The following NCK1 variants were observed in gnomAD, a reference collection of about 807,000 sequenced individuals.
NCK1 encodes SH2/SH3 adapter protein NCK1.
In NCK1, 19 loss-of-function variants were observed where a neutral mutation model predicts 36.6. The ratio of observed to expected loss-of-function variants is 0.52; its 90% confidence interval spans 0.36 to 0.76. The LOEUF (loss-of-function observed/expected upper bound fraction) is 0.76, where lower values mean the gene tolerates loss of function less well. NCK1 is among the 30% of genes least tolerant of loss of function. The probability of loss-of-function intolerance (pLI) is 0.00; values close to 1 mark genes in which losing one functional copy is unlikely to be tolerated. For missense variants in NCK1, 358 were observed against 445.6 expected, an observed-to-expected ratio of 0.80 and a Z score of 1.77; for synonymous variants, 165 against 156.0, an observed-to-expected ratio of 1.06 and a Z score of -0.43.
chr3:136,949,909 G>A lies in NCK1; in HGVS notation c.*1456G>A, dbSNP rs1263954110. On this transcript the variant is annotated 3_prime_UTR_variant, in exon 4 of 4. Coordinates refer to ENST00000481752, the MANE Select transcript of NCK1 (RefSeq NM_001291999.2). Reference sequence around the variant, plus strand: ...ATTTAAAGACTTATGTTGCCACTGGGTGGCAGCCATGGCTTCTCCCACTAA... The same window carrying A: ...ATTTAAAGACTTATGTTGCCACTGGATGGCAGCCATGGCTTCTCCCACTAA... 1 of 151,946 alleles carries A rather than the reference G, an allele frequency of 6.6e-6. No homozygotes were observed. The highest frequency in any genetic ancestry group is 1.5e-5 in the Non-Finnish European group (1 of 67,900). The allele number at this position is 151,946 out of a possible 1,614,324, so 9.4% of individuals were successfully genotyped here.
At chr3:136,908,535 A>G (rs1350694338) in intron 1 of NCK1, among the ~76,000 whole-genome samples, 1 of 152,202 alleles carries the variant, frequency 6.6e-6, no homozygotes, top group Non-Finnish European at 1.5e-5. Flanking sequence ...ATCAGGGCTG[A>G]AAGAGTCACA....
At chr3:136,877,253 C>A (rs1466848353) in intron 1 of NCK1, among the ~76,000 whole-genome samples, 2 of 152,104 alleles carry the variant, frequency 1.3e-5, no homozygotes, top group Non-Finnish European at 2.9e-5. Context: ...TTGACACATG[C>A]TGGACAATAA....
rs1166616650 is a variant in NCK1, at chr3:136,948,588, TTTA to T, written c.*140_*142del. 16 of 743,180 alleles carry T rather than the reference TTTA, an allele frequency of 2.2e-5. No homozygotes were observed. Among genetic ancestry groups the T allele is most frequent in the Admixed American group, 5.8e-5 (2 of 34,312 alleles). 46.0% of individuals were successfully genotyped at this position (743,180 alleles called of 1,614,324 possible). On this transcript the variant is annotated 3_prime_UTR_variant, in exon 4 of 4. Coordinates refer to ENST00000481752, the MANE Select transcript of NCK1 (RefSeq NM_001291999.2). ...TATATGAGAATTGACAATAAGTATTTTTATTATAACTCAGCCCATACATATATA... is the reference window on the plus strand; with the variant it reads ...TATATGAGAATTGACAATAAGTATTTTTATAACTCAGCCCATACATATATA...
intron 1 of NCK1, among the ~76,000 whole-genome samples, chr3:136,890,902 A>C (rs1028326477): frequency 6.6e-6 from 1 of 152,144 alleles, no homozygotes; most frequent in African/African-American, 2.4e-5. Context: ...CCATCCCCCC[A>C]ACCTCTGGCA....
chr3:136,866,367 G>A (rs950886561), intron 1 of NCK1, among the ~76,000 whole-genome samples: 6 of 151,178 alleles, frequency 4.0e-5, no homozygotes, highest in African/African-American at 1.5e-4. Flanking sequence ...GAGTGCAATG[G>A]TGCGATCTCG....
chr3:136,876,860 T>G (rs1938790213), intron 1 of NCK1, among the ~76,000 whole-genome samples: 1 of 152,188 alleles, frequency 6.6e-6, no homozygotes, highest in Non-Finnish European at 1.5e-5. Context: ...GATCAATTTC[T>G]AAATGTAAAA....
At chr3:136,937,300 C>G (rs74282431) in intron 2 of NCK1, among the ~76,000 whole-genome samples, 5 of 152,250 alleles carry the variant, frequency 3.3e-5, no homozygotes, top group Admixed American at 6.5e-5. Flanking sequence ...TTAGGACTCT[C>G]GATTCTATTT....
At chr3:136,881,402 T>C (rs1938931955) in intron 1 of NCK1, among the ~76,000 whole-genome samples, 1 of 152,034 alleles carries the variant, frequency 6.6e-6, no homozygotes, top group Non-Finnish European at 1.5e-5. Context: ...GTATTTTTAG[T>C]GGAGACGGGA....
intron 2 of NCK1, among the ~76,000 whole-genome samples, chr3:136,936,207 A>G (rs1034642232): frequency 6.6e-6 from 1 of 151,854 alleles, no homozygotes; most frequent in Admixed American, 6.6e-5. Flanking sequence ...CGCCTGGCTA[A>G]TTTGTGTATT....
Position 136,949,593 on chromosome 3 carries a change from C to G in NCK1, c.*1140C>G, listed in dbSNP as rs918003398. Reference sequence around the variant, plus strand: ...GCTTCTGTAGGCTATAGAAGAAAACCAGTTGTATTTTATGGTCATAATTTG... The same window carrying G: ...GCTTCTGTAGGCTATAGAAGAAAACGAGTTGTATTTTATGGTCATAATTTG... On this transcript the variant is annotated 3_prime_UTR_variant, in exon 4 of 4. Coordinates refer to ENST00000481752, the MANE Select transcript of NCK1 (RefSeq NM_001291999.2). 6.6e-6 allele frequency: 1 copy of G among 151,806 alleles called. No individual in the cohort carries two copies. Among genetic ancestry groups the G allele is most frequent in the Admixed American group, 6.6e-5 (1 of 15,232 alleles). The allele number at this position is 151,806 out of a possible 1,614,324, so 9.4% of individuals were successfully genotyped here.
At position 136,946,190 on chromosome 3, in the gene NCK1, T is replaced by C. The variant is rs1236992269; in HGVS notation, c.834T>C (p.Ala278=). The change falls in exon 3 of 4, where the codon GCT becomes GCC. Residue 278 remains alanine (A), a synonymous_variant. Coordinates refer to ENST00000481752, the MANE Select transcript of NCK1 (RefSeq NM_001291999.2). Reference sequence around the variant, plus strand: ...GGCCTTCACTCACTGGAAAGTTTGCTGGCAATCCTTGGTATTATGGCAAAG... The same window carrying C: ...GGCCTTCACTCACTGGAAAGTTTGCCGGCAATCCTTGGTATTATGGCAAAG... The part of the protein sequence containing the change: ...YIRPSLTGKF[A]GNPWYYGKVT... The C allele has an allele frequency of 1.2e-6, 2 of 1,613,668 alleles. No individual in the cohort carries two copies. The highest frequency in any genetic ancestry group is 1.7e-6 in the Non-Finnish European group (2 of 1,179,926).
intron 1 of NCK1, among the ~76,000 whole-genome samples, chr3:136,896,007 T>C (rs990095396): frequency 6.6e-6 from 1 of 152,200 alleles, no homozygotes; most frequent in African/African-American, 2.4e-5. Context: ...CTGTTTTTTG[T>C]TTTTTATTGA....
intron 1 of NCK1, among the ~76,000 whole-genome samples, chr3:136,925,084 G>A (rs1940204943): frequency 6.6e-6 from 1 of 152,126 alleles, no homozygotes; most frequent in African/African-American, 2.4e-5. Flanking sequence ...TTCTGTAAAT[G>A]TTGAAAAGTG....
intron 1 of NCK1, among the ~76,000 whole-genome samples, chr3:136,871,829 GT>G (rs770201827): frequency 1.3e-5 from 2 of 152,128 alleles, no homozygotes; most frequent in African/African-American, 2.4e-5. Context: ...GGATCTGATG[GT>G]TTTAAAAACG....
intron 1 of NCK1, among the ~76,000 whole-genome samples, chr3:136,871,425 G>C (rs141514084): frequency 5.9e-5 from 9 of 152,230 alleles, no homozygotes; most frequent in Non-Finnish European, 1.2e-4. Context: ...AATTTGTTTA[G>C]AGAAAGTATC....
In NCK1 at chr3:136,940,810, G is replaced by T. The variant is rs142429549; in HGVS notation, c.227-4773G>T. ...TCCACCCGCCTCGGCTTCCTAAAGT[G>T]CAGGGATTACAGGCATGAGACACCG... On this transcript the variant is annotated intron_variant, in intron 2 of 3. Coordinates refer to ENST00000481752, the MANE Select transcript of NCK1 (RefSeq NM_001291999.2). Among the ~76,000 whole-genome samples the T allele has an allele frequency of 9.9e-3, 1,508 of 152,212 alleles. 9 individuals are homozygous for T. The highest frequency in any genetic ancestry group is 0.016 in the Non-Finnish European group (1,062 of 68,022).
At chr3:136,930,910 GT>G (rs1441618720) in intron 2 of NCK1, among the ~76,000 whole-genome samples, 1 of 151,688 alleles carries the variant, frequency 6.6e-6, no homozygotes, top group African/African-American at 2.4e-5. Context: ...TAAATAAATT[GT>G]AAACATTAAA....
At chr3:136,903,815 A>G (rs554519089) in intron 1 of NCK1, among the ~76,000 whole-genome samples, 1 of 152,266 alleles carries the variant, frequency 6.6e-6, no homozygotes, top group African/African-American at 2.4e-5. Context: ...TCATTTTATT[A>G]ACTGATTTAT....
intron 1 of NCK1, among the ~76,000 whole-genome samples, chr3:136,866,338 C>T (rs558570841): frequency 6.7e-6 from 1 of 149,244 alleles, no homozygotes; most frequent in African/African-American, 2.5e-5. Context: ...GACAGAGTCT[C>T]GCTCTGTTGC....
Sources: gnomAD v4.1 joint callset for allele counts (sites outside exome capture counted in the v4.1 genomes callset) on GRCh38, gnomAD v4.1.1 for gene constraint, MANE v1.5 for transcripts, NCBI Gene and HGNC (gene_info 2026-07-23, HGNC 2026-07-21) for gene names.